FHIT: variants seen among roughly 807,000 people sequenced by gnomAD.
FHIT encodes the protein bis(5'-adenosyl)-triphosphatase.
A neutral mutation model predicts 17.9 loss-of-function variants in FHIT; 19 were observed. The ratio of observed to expected loss-of-function variants is 1.06; its 90% CI spans 0.74 to 1.56. The LOEUF is 1.56. FHIT is among the 40% of genes most tolerant of loss of function. The probability of loss-of-function intolerance (pLI) is 0.00; values close to 1 mark genes in which losing one functional copy is unlikely to be tolerated. For missense variants in FHIT, 248 were observed against 189.2 expected (o/e 1.31, Z -1.82); for synonymous variants, 81 against 69.7 (o/e 1.16, Z -0.81).
chr3:60,671,312 A>G lies in FHIT; in HGVS notation c.-17-134333T>C, dbSNP rs79182506. Among the ~76,000 whole-genome samples, 110 of 152,284 alleles carry G rather than the reference A, an allele frequency of 7.2e-4. 2 individuals carry two copies. In the East Asian group the frequency reaches 0.017, roughly 23 times the overall value. On this transcript the variant is annotated intron_variant, in intron 4 of 9. Transcript: ENST00000492590. Reference sequence around the variant, plus strand: ...GTATAAATTATTTGGTCAAATGAGGACTACTAGTGTTCTCAAAACACTACC... The same window carrying G: ...GTATAAATTATTTGGTCAAATGAGGGCTACTAGTGTTCTCAAAACACTACC...
chr3:60,155,421 A>G (rs1242803803), intron 5 of FHIT, among the ~76,000 whole-genome samples: 1 of 152,126 alleles, frequency 6.6e-6, no homozygotes, highest in Non-Finnish European at 1.5e-5. Flanking sequence ...CCACGCAGCA[A>G]AGTCTGACTT....
chr3:60,541,789 C>T (rs1341702019), intron 4 of FHIT, among the ~76,000 whole-genome samples: 1 of 152,202 alleles, frequency 6.6e-6, no homozygotes, highest in East Asian at 1.9e-4. Flanking sequence ...CCTGATGACA[C>T]TGTCTGAGCA....
chr3:60,198,878 T>G (rs545366684), intron 5 of FHIT, among the ~76,000 whole-genome samples: 2 of 152,278 alleles, frequency 1.3e-5, no homozygotes, highest in Non-Finnish European at 2.9e-5. Context: ...GGCTTATTAA[T>G]AATCTACAAC....
chr3:60,502,785 G>A (rs374182075), intron 5 of FHIT, among the ~76,000 whole-genome samples: 2 of 152,040 alleles, frequency 1.3e-5, no homozygotes, highest in South Asian at 2.1e-4. Context: ...CTTTAAATTG[G>A]TGAATTGCAC....
At chr3:60,716,102 G>A (rs1319899933) in intron 4 of FHIT, among the ~76,000 whole-genome samples, 1 of 151,994 alleles carries the variant, frequency 6.6e-6, no homozygotes, top group African/African-American at 2.4e-5. Flanking sequence ...AAATTAGCCA[G>A]GTGTGGTGGT....
rs138767573 is a variant in FHIT at position 60,867,588 on chromosome 3, G to C, written c.-110-45577C>G. ...CAGTTCTCCTTTAGCCCCAAGCATA[G>C]AGACTCCTGCACATCTCAGCCTCTT... On this transcript the variant is annotated intron_variant, in intron 3 of 9. Coordinates refer to ENST00000492590, the MANE Select transcript of FHIT (RefSeq NM_002012.4). 2.5e-3 allele frequency among the ~76,000 whole-genome samples: 380 copies of C among 152,284 alleles called. 2 individuals are homozygous for C. Among genetic ancestry groups the C allele is most frequent in the African/African-American group, 8.7e-3 (361 of 41,566 alleles).
intron 3 of FHIT, among the ~76,000 whole-genome samples, chr3:60,880,267 A>G (rs1553757612): frequency 6.6e-6 from 1 of 152,258 alleles, no homozygotes; most frequent in Non-Finnish European, 1.5e-5. Context: ...AGGATACTAT[A>G]TCCAGCAAAT....
At chr3:60,797,052 C>A (rs950891532) in intron 4 of FHIT, among the ~76,000 whole-genome samples, 7 of 152,124 alleles carry the variant, frequency 4.6e-5, no homozygotes, top group Non-Finnish European at 1.0e-4. Context: ...TTTAGAGGGG[C>A]TTTCCTATCA....
chr3:61,096,656 G>C (rs974882773), intron 2 of FHIT, among the ~76,000 whole-genome samples: 1 of 152,180 alleles, frequency 6.6e-6, no homozygotes, highest in Non-Finnish European at 1.5e-5. Context: ...GAGCCAGAAG[G>C]CTTTATTCTG....
At chr3:60,196,871 T>A (rs1368359824) in intron 5 of FHIT, among the ~76,000 whole-genome samples, 1 of 152,106 alleles carries the variant, frequency 6.6e-6, no homozygotes, top group African/African-American at 2.4e-5. Context: ...TCATTTCTTA[T>A]ACTTTGCTAT....
At chr3:59,812,482 C>A (rs1164170640) in intron 8 of FHIT, among the ~76,000 whole-genome samples, 3 of 152,162 alleles carry the variant, frequency 2.0e-5, no homozygotes, top group Non-Finnish European at 2.9e-5. Flanking sequence ...GGCCAGCATG[C>A]TGCATTATGG....
intron 4 of FHIT, among the ~76,000 whole-genome samples, chr3:60,554,886 C>T (rs2036691643): frequency 6.6e-6 from 1 of 152,124 alleles, no homozygotes; most frequent in African/African-American, 2.4e-5. Flanking sequence ...TAGGTTTTTG[C>T]TAAAACGGAG....
At chr3:60,726,228 G>A (rs532619499) in intron 4 of FHIT, among the ~76,000 whole-genome samples, 28 of 152,180 alleles carry the variant, frequency 1.8e-4, no homozygotes, top group African/African-American at 5.1e-4. Flanking sequence ...TTATTTGATC[G>A]CTGAAAGGGT....
At chr3:60,400,920 G>GT (rs1701633634) in intron 5 of FHIT, among the ~76,000 whole-genome samples, 1 of 151,308 alleles carries the variant, frequency 6.6e-6, no homozygotes, top group African/African-American at 2.4e-5. Context: ...AAATTCTTTG[G>GT]TTAAAAAAAA....
chr3:59,836,059 G>A (rs189953492), intron 8 of FHIT, among the ~76,000 whole-genome samples: 1 of 152,224 alleles, frequency 6.6e-6, no homozygotes, highest in East Asian at 1.9e-4. Context: ...GAATATCCAT[G>A]AATGTTACTA....
At chr3:60,012,302 T>A (rs796419306) in intron 6 of FHIT, among the ~76,000 whole-genome samples, 3 of 143,434 alleles carry the variant, frequency 2.1e-5, no homozygotes, top group Admixed American at 7.2e-5. Flanking sequence ...AGGGTCTTAC[T>A]CAGTTGTCCA....
chr3:60,178,253 C>T (rs1701770896), intron 5 of FHIT, among the ~76,000 whole-genome samples: 1 of 152,048 alleles, frequency 6.6e-6, no homozygotes, highest in East Asian at 1.9e-4. Context: ...ATGTTAACTT[C>T]CCAAATGGGT....
chr3:60,135,452 A>T (rs1169379232), intron 5 of FHIT, among the ~76,000 whole-genome samples: 3 of 152,174 alleles, frequency 2.0e-5, no homozygotes, highest in Non-Finnish European at 4.4e-5. Flanking sequence ...ATATTTGTGG[A>T]ATACCTACAA....
intron 5 of FHIT, among the ~76,000 whole-genome samples, chr3:60,073,336 C>G (rs540495019): frequency 6.6e-6 from 1 of 152,050 alleles, no homozygotes; most frequent in South Asian, 2.1e-4. Context: ...GCCTTACTCA[C>G]TCACCTTGCC....
Sources: allele counts gnomAD v4.1 joint callset (sites outside exome capture counted in the v4.1 genomes callset), GRCh38; gene constraint gnomAD v4.1.1; transcripts MANE v1.5; gene names NCBI Gene and HGNC (gene_info 2026-07-23, HGNC 2026-07-21).